LGI2: variants seen among roughly 807,000 people sequenced by gnomAD.
The protein encoded by LGI2 is leucine-rich repeat LGI family member 2.
A neutral mutation model predicts 52.0 loss-of-function variants in LGI2; 30 were observed. The observed-to-expected ratio is 0.58, with a 90% CI of 0.43 to 0.78. The LOEUF (loss-of-function observed/expected upper bound fraction) is 0.78. Among genes scored for constraint, LGI2 ranks in the 30% least tolerant of loss-of-function variants. The pLI, the probability that LGI2 is intolerant of heterozygous loss-of-function variation, is 0.00. For missense variants in LGI2, 573 were observed against 692.5 expected, an observed-to-expected ratio of 0.83 and a Z score of 1.94; for synonymous variants, 270 against 271.8, an observed-to-expected ratio of 0.99 and a Z score of 0.06.
chr4:24,995,566 C>T (rs1015982032), downstream of LGI2, among the ~76,000 whole-genome samples: 5 of 152,180 alleles, frequency 3.3e-5, no homozygotes, highest in Non-Finnish European at 5.9e-5. Context: ...CCTCAACAGG[C>T]TGCTTGAGTA....
intron 3 of LGI2, 85 bp downstream of exon 3, chr4:25,026,783 G>A: frequency 9.6e-7 from 1 of 1,042,448 alleles, no homozygotes; most frequent in Non-Finnish European, 1.5e-6. Flanking sequence ...AACCCTTGCA[G>A]AGATGCTGTT....
At chr4:25,005,917 A>G (rs1725380924) in intron 7 of LGI2, among the ~76,000 whole-genome samples, 1 of 152,250 alleles carries the variant, frequency 6.6e-6, no homozygotes, top group Non-Finnish European at 1.5e-5. Flanking sequence ...TCGTAAAATG[A>G]GACTGAAGAT....
At chr4:25,019,576 G>A (rs1015076543) in intron 4 of LGI2, among the ~76,000 whole-genome samples, 5 of 152,114 alleles carry the variant, frequency 3.3e-5, no homozygotes, top group Admixed American at 6.6e-5. Context: ...TTACCTAGGA[G>A]ACCCCATCTC....
intron 7 of LGI2, among the ~76,000 whole-genome samples, chr4:25,011,742 C>T (rs942553965): frequency 6.6e-6 from 1 of 152,208 alleles, no homozygotes; most frequent in African/African-American, 2.4e-5. Context: ...AGCAAGTAGA[C>T]AGTCCACATT....
At chr4:24,992,473 G>T in the LGI2 span, among the ~76,000 whole-genome samples, 16 of 152,164 alleles carry the variant, frequency 1.1e-4, no homozygotes, top group African/African-American at 2.9e-4. Flanking sequence ...CAGCACTTTG[G>T]GGGGCTGAGG....
At position 25,030,522 on chromosome 4, in the gene LGI2, T is replaced by G; in HGVS notation, c.172A>C (p.Ile58Leu). The stretch of plus-strand genomic sequence containing the variant: ...AGGGAGCTGATGTCGCCCGGCACGA[T>G]CCTGGGCACCCAGGAAGAGCCCACG... ...ICVGSSWVPR[I>L]VPGDISSLSL... Residue 58 changes from isoleucine (I) to leucine (L), a missense_variant, in exon 1 of 8, where the codon ATC becomes CTC. Transcript: ENST00000382114. The G allele has an allele frequency of 6.3e-7, 1 of 1,595,532 alleles. No homozygotes were observed. Among genetic ancestry groups the G allele is most frequent in the Non-Finnish European group, 8.5e-7 (1 of 1,172,840 alleles).
At chr4:25,015,252 C>A (rs1004996775) in intron 6 of LGI2, among the ~76,000 whole-genome samples, 2 of 152,222 alleles carry the variant, frequency 1.3e-5, no homozygotes, top group Admixed American at 6.5e-5. Flanking sequence ...TGCATTATTT[C>A]TCTGTGCATT....
intron 4 of LGI2, among the ~76,000 whole-genome samples, chr4:25,023,475 G>C (rs777753508): frequency 2.0e-5 from 3 of 152,210 alleles, no homozygotes; most frequent in African/African-American, 7.2e-5. Context: ...CTCCTTACCC[G>C]ATAGGCTTTA....
chr4:24,997,146 G>C (rs1018025952), downstream of LGI2, among the ~76,000 whole-genome samples: 8 of 152,212 alleles, frequency 5.3e-5, no homozygotes, highest in African/African-American at 1.9e-4. Context: ...GTGCCAATTA[G>C]ACCCTGGTTA....
In LGI2 at chr4:24,999,981, C is replaced by A. The variant is rs1272295493; in HGVS notation, c.*3470G>T. The A allele has an allele frequency of 5.2e-6, 2 of 386,858 alleles. No individual in the cohort carries two copies. Among genetic ancestry groups the A allele is most frequent in the Admixed American group, 2.9e-5 (1 of 34,542 alleles). 24.0% of individuals were successfully genotyped at this position (386,858 alleles called of 1,614,324 possible). A position where few individuals can be genotyped will look rare whatever the true frequency, so the allele number is the denominator to read the frequency against. Reference sequence around the variant, plus strand: ...CCCCATAGCTATGCAGGGGGAGAAACAACCAGACCAGCTAGATATCCTCCT... The same window carrying A: ...CCCCATAGCTATGCAGGGGGAGAAAAAACCAGACCAGCTAGATATCCTCCT... On this transcript the variant is annotated 3_prime_UTR_variant, in exon 8 of 8. Transcript: ENST00000382114.
intron 7 of LGI2, among the ~76,000 whole-genome samples, chr4:25,009,961 G>A (rs1033516719): frequency 2.0e-4 from 30 of 152,214 alleles, no homozygotes; most frequent in Admixed American, 4.6e-4. Flanking sequence ...ATTCACTGCC[G>A]TTTCCCCAGC....
chr4:25,016,914 G>A (rs542206806), intron 6 of LGI2, among the ~76,000 whole-genome samples: 116 of 152,252 alleles, frequency 7.6e-4, no homozygotes, highest in Non-Finnish European at 1.3e-3. Flanking sequence ...GTTTCATACA[G>A]CGGCCTGATC....
At chr4:25,028,384 G>C (rs1704684031) in intron 2 of LGI2, 123 bp downstream of exon 2, 2 of 800,688 alleles carry the variant, frequency 2.5e-6, no homozygotes, top group Middle Eastern at 7.3e-4. Flanking sequence ...CCAAGAGGCA[G>C]CCACGGTCTC....
intron 7 of LGI2, 138 bp downstream of exon 7, chr4:25,012,197 G>T: frequency 1.1e-6 from 1 of 892,558 alleles, no homozygotes; most frequent in East Asian, 2.5e-5. Context: ...GACCCAGAGG[G>T]AAGGCTGGGA....
At position 24,999,391 on chromosome 4, in the gene LGI2, T is replaced by C. The variant is rs1382609605; in HGVS notation, c.*4060A>G. ...CAGTTTGTTTTTACTTTCCCAAGTT[T>C]CCTCCAGAGCCATCTGCCCCACTTT... is the stretch of plus-strand genomic sequence containing the variant. On this transcript the variant is annotated 3_prime_UTR_variant, in exon 8 of 8. Transcript: ENST00000382114. The C allele has an allele frequency of 6.6e-6, 1 of 152,548 alleles. No individual in the cohort carries two copies. The highest frequency in any genetic ancestry group is 1.9e-4 in the East Asian group (1 of 5,188). The allele number at this position is 152,548 out of a possible 1,614,324, so 9.4% of individuals were successfully genotyped here.
chr4:25,008,204 A>C (rs1434168732), intron 7 of LGI2, among the ~76,000 whole-genome samples: 1 of 152,170 alleles, frequency 6.6e-6, no homozygotes, highest in Non-Finnish European at 1.5e-5. Flanking sequence ...GAAATCAAAA[A>C]GGTAGAGTCT....
intron 7 of LGI2, among the ~76,000 whole-genome samples, chr4:25,008,488 G>A (rs889948864): frequency 2.0e-5 from 3 of 148,078 alleles, no homozygotes; most frequent in Non-Finnish European, 4.5e-5. Context: ...GGGAGGTGGA[G>A]GTTGCAGTGA....
intron 5 of LGI2, 131 bp from the exon 6 acceptor site, chr4:25,018,289 A>C: frequency 1.6e-6 from 1 of 627,900 alleles, no homozygotes; most frequent in East Asian, 2.9e-5. Context: ...ATGGAGTTTA[A>C]AAACTTTTAT....
At position 25,030,791 on chromosome 4, in the gene LGI2, G is replaced by T; in HGVS notation, c.-98C>A. ...AGACGCGGGCGCCGCTCGCTGCTCT[G>T]CCGCCGCCGCTGCTGGCGAGGACTA... On this transcript the variant is annotated 5_prime_UTR_variant, in exon 1 of 8. Transcript: ENST00000382114. The T allele has an allele frequency of 1.6e-6, 1 of 620,654 alleles. No individual in the cohort carries two copies. The highest frequency in any genetic ancestry group is 2.0e-6 in the Non-Finnish European group (1 of 491,834). 38.4% of individuals were successfully genotyped at this position (620,654 alleles called of 1,614,324 possible).
Sources: gnomAD v4.1 joint callset for allele counts (sites outside exome capture counted in the v4.1 genomes callset) on GRCh38, gnomAD v4.1.1 for gene constraint, MANE v1.5 for transcripts, NCBI Gene and HGNC (gene_info 2026-07-23, HGNC 2026-07-21) for gene names.